Variants in PARD3 observed in about 807,000 individuals in gnomAD.
PARD3 encodes partitioning defective 3 homolog.
PARD3 carries 75 observed loss-of-function variants against 155.4 expected under a neutral mutation model. The observed-to-expected ratio is 0.48, with a 90% CI of 0.40 to 0.58. PARD3 has a LOEUF of 0.58. Among genes scored for constraint, PARD3 ranks in the 20% least tolerant of loss-of-function variants. PARD3 has a pLI of 0.00. For synonymous variants in PARD3, 576 were observed against 610.5 expected (o/e 0.94, Z 0.83); for missense variants, 1,642 against 1,721.7 (o/e 0.95, Z 0.82).
intron 3 of PARD3, among the ~76,000 whole-genome samples, chr10:34,503,465 T>C (rs1347706287): frequency 2.0e-5 from 3 of 152,238 alleles, no homozygotes; most frequent in African/African-American, 7.2e-5. Context: ...TTAAATTACA[T>C]GCTATTCCTA....
chr10:34,371,186 T>C lies in PARD3; in HGVS notation c.1707+1312A>G, dbSNP rs139341333. Among the ~76,000 whole-genome samples, 122 of 152,114 alleles carry C rather than the reference T, an allele frequency of 8.0e-4. 3 individuals carry two copies. In the East Asian group the frequency reaches 0.021, roughly 27 times the overall value. On this transcript the variant is annotated intron_variant, in intron 12 of 24. Transcript: ENST00000374788. ...TATAAATTGCTATTGTACCCCATTT[T>C]ATTATTTAGAATCAATTTGTCCAAT...
At chr10:34,635,661 G>A (rs921751237) in intron 2 of PARD3, among the ~76,000 whole-genome samples, 3 of 152,196 alleles carry the variant, frequency 2.0e-5, no homozygotes, top group African/African-American at 7.2e-5. Flanking sequence ...AACACTCGAT[G>A]AGATACTTGT....
chr10:34,411,798 C>A (rs891841979), intron 5 of PARD3, among the ~76,000 whole-genome samples: 1 of 151,674 alleles, frequency 6.6e-6, no homozygotes, highest in African/African-American at 2.4e-5. Flanking sequence ...TCCATTCTAC[C>A]AGTTCTGTTT....
chr10:34,614,046 C>T (rs1055069642), intron 2 of PARD3, among the ~76,000 whole-genome samples: 6 of 152,182 alleles, frequency 3.9e-5, no homozygotes, highest in African/African-American at 1.4e-4. Flanking sequence ...CTCATACATA[C>T]ATGTGTTTGT....
At chr10:34,795,683 T>A (rs893627303) in intron 1 of PARD3, among the ~76,000 whole-genome samples, 3 of 151,682 alleles carry the variant, frequency 2.0e-5, no homozygotes, top group Admixed American at 6.6e-5. Flanking sequence ...TCACCTGAGG[T>A]AGGGAGTTCA....
intron 22 of PARD3, among the ~76,000 whole-genome samples, chr10:34,135,205 T>C (rs1947828777): frequency 6.6e-6 from 1 of 152,198 alleles, no homozygotes; most frequent in South Asian, 2.1e-4. Context: ...AGAGAGATAC[T>C]TTCTGTATAA....
intron 1 of PARD3, among the ~76,000 whole-genome samples, chr10:34,756,468 T>A (rs569683216): frequency 1.5e-5 from 2 of 136,840 alleles, no homozygotes; most frequent in African/African-American, 5.4e-5. Flanking sequence ...ACCTTTTTTT[T>A]TTTTCTTATA....
chr10:34,740,768 A>AT (rs139206209), intron 1 of PARD3, among the ~76,000 whole-genome samples: 1,643 of 152,292 alleles, frequency 0.011, 37 homozygotes, highest in African/African-American at 0.038. Context: ...AAATTGACGT[A>AT]TATCTTTTGA....
rs555140455 is a variant in PARD3, at chr10:34,355,327, C to G, written c.2067+3820G>C. ...TAGGCAACAGAGCGAGAGAGCAAGACGCTGTCTCCAAAAAAGAAAAGAGGG... is the reference window on the plus strand; with the variant it reads ...TAGGCAACAGAGCGAGAGAGCAAGAGGCTGTCTCCAAAAAAGAAAAGAGGG... On this transcript the variant is annotated intron_variant, in intron 14 of 24. Coordinates refer to ENST00000374788, the MANE Select transcript of PARD3 (RefSeq NM_001184785.2). Among the ~76,000 whole-genome samples the G allele has an allele frequency of 4.6e-5, 7 of 152,088 alleles. No homozygotes were observed. In the East Asian group the frequency reaches 1.4e-3, roughly 29 times the overall value.
intron 21 of PARD3, among the ~76,000 whole-genome samples, chr10:34,277,834 T>C (rs952126689): frequency 6.6e-6 from 1 of 152,170 alleles, no homozygotes; most frequent in Non-Finnish European, 1.5e-5. Flanking sequence ...GTTAAAAGAC[T>C]GCCCACTTTC....
In PARD3 at chr10:34,131,505, A is replaced by C. The variant is rs1007589980; in HGVS notation, c.3498T>G (p.Asp1166Glu). 2 of 1,614,150 alleles carry C rather than the reference A, an allele frequency of 1.2e-6. No homozygotes were observed. The highest frequency in any genetic ancestry group is 2.2e-5 in the East Asian group (1 of 44,870). ...QEFQQAKQDE[D>E]VEDRRRTYSF... ...TATAGGTCCGCCGACGATCTTCTAC[A>C]TCTTCATCTTGCTTTGCTTGCTGAA... is the stretch of plus-strand genomic sequence containing the variant. The change falls in exon 23 of 25, where the codon GAT (aspartate) becomes GAG (glutamate). Residue 1166 changes from aspartate to glutamate, a missense_variant. By Grantham distance (45) the Asp-to-Glu change is conservative. This residue lies in a region of PARD3 where 1,529 missense variants were observed against 1,587.3 expected (regional missense o/e 0.96). Coordinates refer to ENST00000374788, the MANE Select transcript of PARD3 (RefSeq NM_001184785.2).
At chr10:34,501,227 C>A (rs2080679852) in intron 3 of PARD3, among the ~76,000 whole-genome samples, 1 of 152,182 alleles carries the variant, frequency 6.6e-6, no homozygotes, top group East Asian at 1.9e-4. Context: ...GTGTCTGAAT[C>A]CTGGGGACGA....
chr10:34,357,419 A>C (rs974901118), intron 14 of PARD3, among the ~76,000 whole-genome samples: 1 of 152,224 alleles, frequency 6.6e-6, no homozygotes, highest in African/African-American at 2.4e-5. Flanking sequence ...TGCTCAATAA[A>C]TATCTGTGGA....
chr10:34,444,628 A>G (rs1237596270), intron 5 of PARD3, among the ~76,000 whole-genome samples: 2 of 152,120 alleles, frequency 1.3e-5, no homozygotes, highest in Non-Finnish European at 2.9e-5. Flanking sequence ...AACCCCGGCT[A>G]CTCTTTTTGG....
intron 2 of PARD3, among the ~76,000 whole-genome samples, chr10:34,532,684 T>A (rs540616824): frequency 1.4e-4 from 21 of 152,330 alleles, no homozygotes; most frequent in African/African-American, 4.8e-4. Flanking sequence ...TTTCTAACAT[T>A]CACTTAAATA....
At chr10:34,757,335 G>A (rs1329775867) in intron 1 of PARD3, among the ~76,000 whole-genome samples, 6 of 152,318 alleles carry the variant, frequency 3.9e-5, no homozygotes, top group African/African-American at 1.4e-4. Flanking sequence ...TAACTGTGAG[G>A]TGTGACATGC....
intron 22 of PARD3, among the ~76,000 whole-genome samples, chr10:34,212,612 G>A (rs781636074): frequency 6.6e-6 from 1 of 151,820 alleles, no homozygotes. Context: ...TACCTGGTGC[G>A]CCCTACAGCC....
intron 22 of PARD3, among the ~76,000 whole-genome samples, chr10:34,158,313 A>T (rs1262031016): frequency 6.6e-6 from 1 of 152,232 alleles, no homozygotes; most frequent in African/African-American, 2.4e-5. Context: ...CTTTAATGGG[A>T]GGCATTAAAG....
intron 2 of PARD3, among the ~76,000 whole-genome samples, chr10:34,556,624 C>T (rs1036381767): frequency 1.3e-5 from 2 of 152,084 alleles, no homozygotes; most frequent in Admixed American, 6.5e-5. Flanking sequence ...CCTCGTGATC[C>T]GCCCGCCTCA....
Sources: gnomAD v4.1 joint callset for allele counts (sites outside exome capture counted in the v4.1 genomes callset) on GRCh38, gnomAD v4.1.1 for gene constraint, gnomAD v4.1.1 regional missense constraint, MANE v1.5 for transcripts, NCBI Gene and HGNC (gene_info 2026-07-23, HGNC 2026-07-21) for gene names.